The following XKR9 variants were observed in gnomAD, a reference collection of about 807,000 sequenced individuals.
XKR9 encodes XK-related protein 9.
Under a neutral mutation model 32.0 loss-of-function variants are expected in XKR9, and 32 were observed. The ratio of observed to expected loss-of-function variants is 1.00; its 90% CI spans 0.76 to 1.34. The LOEUF is 1.34. Among genes scored for constraint, XKR9 ranks in the 40% most tolerant of loss-of-function variants. The pLI is 0.00. For synonymous variants in XKR9, 168 were observed against 143.4 expected, an observed-to-expected ratio of 1.17 and a Z score of -1.22; for missense variants, 546 against 429.7, an observed-to-expected ratio of 1.27 and a Z score of -2.39.
At chr8:70,775,465 TTCTC>T (rs200613996) in intron 2 of XKR9, among the ~76,000 whole-genome samples, 1,607 of 152,300 alleles carry the variant, frequency 0.011, 14 homozygotes, top group Non-Finnish European at 0.018. Context: ...TAGATACTCT[TTCTC>T]AGGTTTTCTT....
At chr8:70,901,871 A>G in the XKR9 span, among the ~76,000 whole-genome samples, 6 of 152,158 alleles carry the variant, frequency 3.9e-5, no homozygotes, top group Non-Finnish European at 8.8e-5. Context: ...TCAGCTTTCT[A>G]CATAAGGCTA....
At chr8:70,793,609 A>T (rs1294595534), downstream of XKR9, among the ~76,000 whole-genome samples, 15 of 152,162 alleles carry the variant, frequency 9.9e-5, no homozygotes, top group Admixed American at 9.8e-4. Flanking sequence ...GTGTTTGATT[A>T]TAAGCAACAG....
At chr8:70,908,201 T>C in the XKR9 span, among the ~76,000 whole-genome samples, 1 of 104,118 alleles carries the variant, frequency 9.6e-6, no homozygotes, top group Non-Finnish European at 2.4e-5. Flanking sequence ...CATACTATAG[T>C]AAACTTTTAC....
intron 4 of XKR9, among the ~76,000 whole-genome samples, chr8:70,712,796 TAG>T (rs1805964268): frequency 6.6e-6 from 1 of 152,270 alleles, no homozygotes; most frequent in Admixed American, 6.5e-5. Context: ...TCTAGACTGA[TAG>T]TACCCCTACA....
the XKR9 span, among the ~76,000 whole-genome samples, chr8:71,065,761 G>A: frequency 3.3e-5 from 5 of 152,170 alleles, no homozygotes; most frequent in Admixed American, 3.3e-4. Context: ...AGCCTGTGGG[G>A]CATCTTAGTT....
intron 2 of XKR9, among the ~76,000 whole-genome samples, chr8:70,775,255 T>A (rs1053197810): frequency 6.6e-6 from 1 of 152,196 alleles, no homozygotes; most frequent in African/African-American, 2.4e-5. Context: ...TGTACAGTCA[T>A]GTCTTGCAAA....
At chr8:70,727,233 A>C (rs1287119691) in intron 4 of XKR9, among the ~76,000 whole-genome samples, 1 of 152,054 alleles carries the variant, frequency 6.6e-6, no homozygotes, top group African/African-American at 2.4e-5. Context: ...TTATGTGTTA[A>C]TTTGATAAAA....
At chr8:70,820,583 T>A in the XKR9 span, among the ~76,000 whole-genome samples, 1 of 152,176 alleles carries the variant, frequency 6.6e-6, no homozygotes, top group Non-Finnish European at 1.5e-5. Context: ...GGCTGGGTAA[T>A]TTATGTTTGG....
intron 4 of XKR9, among the ~76,000 whole-genome samples, chr8:70,707,579 T>C (rs1402462915): frequency 2.0e-5 from 3 of 150,586 alleles, no homozygotes; most frequent in African/African-American, 7.3e-5. Context: ...ATAATTTATT[T>C]AACAAACTCC....
the XKR9 span, among the ~76,000 whole-genome samples, chr8:71,006,510 A>C: frequency 6.6e-6 from 1 of 152,220 alleles, no homozygotes; most frequent in Non-Finnish European, 1.5e-5. Context: ...TGGGGTGTCC[A>C]TGAGGAAATT....
At chr8:70,683,439 T>C in intron 3 of XKR9, 2 of 423,510 alleles carry the variant, frequency 4.7e-6, no homozygotes, top group Non-Finnish European at 9.2e-6. Context: ...ATTTATACTC[T>C]CTTTATTTTT....
At chr8:71,028,254 G>T in the XKR9 span, among the ~76,000 whole-genome samples, 1 of 152,106 alleles carries the variant, frequency 6.6e-6, no homozygotes, top group South Asian at 2.1e-4. Flanking sequence ...GTGATTTATA[G>T]TTTTTAGTAT....
the XKR9 span, among the ~76,000 whole-genome samples, chr8:71,010,035 T>G: frequency 6.6e-6 from 1 of 152,210 alleles, no homozygotes; most frequent in Non-Finnish European, 1.5e-5. Context: ...CAACCGACCC[T>G]GATCTGTGAC....
At chr8:71,018,327 A>T in the XKR9 span, among the ~76,000 whole-genome samples, 5 of 152,212 alleles carry the variant, frequency 3.3e-5, no homozygotes, top group African/African-American at 4.8e-5. Flanking sequence ...CAATGTTCAA[A>T]TTTAACAATT....
Position 70,708,107 on chromosome 8 carries a change from T to A in XKR9, c.493+954T>A, listed in dbSNP as rs559595640. On this transcript the variant is annotated intron_variant, in intron 4 of 4. Transcript: ENST00000408926. ...TCCCTTCTAATATTTTACCTTTACTTTGATTGTTAGTAAGACACAAAATGA... is the reference window on the plus strand; with the variant it reads ...TCCCTTCTAATATTTTACCTTTACTATGATTGTTAGTAAGACACAAAATGA... 1.0e-3 allele frequency among the ~76,000 whole-genome samples: 157 copies of A among 152,120 alleles called. 2 individuals are homozygous for A. Among genetic ancestry groups the A allele is most frequent in the African/African-American group, 3.5e-3 (147 of 41,550 alleles).
chr8:70,728,532 G>A (rs1333322955), intron 4 of XKR9, among the ~76,000 whole-genome samples: 1 of 152,204 alleles, frequency 6.6e-6, no homozygotes, highest in Non-Finnish European at 1.5e-5. Flanking sequence ...AGGACAAGGA[G>A]TGCAGTTCCC....
the XKR9 span, among the ~76,000 whole-genome samples, chr8:70,895,902 C>T: frequency 3.3e-5 from 5 of 151,170 alleles, no homozygotes; most frequent in South Asian, 2.1e-4. Flanking sequence ...TGGGGGCGGG[C>T]GGTGTTGAGG....
At chr8:70,732,198 G>A (rs1357809968) in intron 4 of XKR9, among the ~76,000 whole-genome samples, 1 of 152,172 alleles carries the variant, frequency 6.6e-6, no homozygotes, top group Non-Finnish European at 1.5e-5. Context: ...CCCATCATGG[G>A]GCTACCGAAC....
the XKR9 span, among the ~76,000 whole-genome samples, chr8:70,919,123 G>T: frequency 6.6e-6 from 1 of 152,112 alleles, no homozygotes; most frequent in Non-Finnish European, 1.5e-5. Context: ...CAGTGACAAG[G>T]ACTGGGGCTA....
Sources: allele counts gnomAD v4.1 joint callset (sites outside exome capture counted in the v4.1 genomes callset), GRCh38; gene constraint gnomAD v4.1.1; transcripts MANE v1.5; gene names NCBI Gene and HGNC (gene_info 2026-07-23, HGNC 2026-07-21).